MROH7: variants seen among roughly 807,000 people sequenced by gnomAD.
MROH7 encodes maestro heat like repeat family member 7, also known as maestro heat-like repeat-containing protein family member 7.
In MROH7, 113 loss-of-function variants were observed where a neutral mutation model predicts 129.2. The observed-to-expected ratio is 0.87, with a 90% confidence interval of 0.75 to 1.02. The LOEUF is 1.02. Among genes scored for constraint, MROH7 ranks in the 50% least tolerant of loss-of-function variants. The pLI, the probability that MROH7 is intolerant of heterozygous loss-of-function variation, is 0.00. For missense variants in MROH7, 1,601 were observed against 1,671.3 expected (o/e 0.96, Z 0.73); for synonymous variants, 655 against 667.9 (o/e 0.98, Z 0.30).
At chr1:54,655,015 A>ATTTTTTTTTTT (rs71045202) in intron 3 of MROH7, among the ~76,000 whole-genome samples, 1 of 136,426 alleles carries the variant, frequency 7.3e-6, no homozygotes, top group Non-Finnish European at 1.6e-5. Context: ...TGAGAATCCT[A>ATTTTTTTTTTT]TTTTTTTTTT....
At chr1:54,699,127 T>TTTCTTTCTTTCTTTC (rs1645376870) in intron 17 of MROH7, 3 of 93,774 alleles carry the variant, frequency 3.2e-5, no homozygotes, top group East Asian at 5.7e-4. Context: ...TCTTTCTTTC[T>TTTCTTTCTTTCTTTC]TTCTTTCTTT....
chr1:54,680,999 G>T (rs909294302), intron 13 of MROH7, among the ~76,000 whole-genome samples: 9 of 152,172 alleles, frequency 5.9e-5, no homozygotes, highest in African/African-American at 2.2e-4. Context: ...GACTACTGGG[G>T]GCCTCATCTG....
At position 54,656,569 on chromosome 1, in the gene MROH7, T is replaced by C. The variant is rs142314737; in HGVS notation, c.1231+2412T>C. Among the ~76,000 whole-genome samples, 204 of 148,916 alleles carry C rather than the reference T, an allele frequency of 1.4e-3. 2 individuals carry two copies. In the East Asian group the frequency reaches 0.03, roughly 22 times the overall value. ...TGGGCGCGGTGGCTCATGCCTGTAG[T>C]CCCAGCACTTTGGGAAGCCGAGGTG... On this transcript the variant is annotated intron_variant, in intron 3 of 23. Coordinates refer to ENST00000421030, the MANE Select transcript of MROH7 (RefSeq NM_001039464.4).
In MROH7 at chr1:54,700,380, A is replaced by G. The variant is rs1051144898; in HGVS notation, c.3024A>G (p.Ala1008=). 6 of 1,614,124 alleles carry G rather than the reference A, an allele frequency of 3.7e-6. 1 individual carries two copies. The Admixed American group carries it at 6.7e-5, about 18-fold the overall frequency. The change falls in exon 18 of 24, where the codon GCA becomes GCG. Residue 1008 remains alanine (A), a synonymous_variant. Coordinates refer to ENST00000421030, the MANE Select transcript of MROH7 (RefSeq NM_001039464.4). The part of the protein sequence containing the change: ...IPEEYSLGRM[A]EGLSHHDPIM... ...AGGAATACTCTCTGGGGCGGATGGC[A>G]GAAGGCCTGAGCCACCACGACCCCA...
chr1:54,667,030 CT>C (rs1352616975), intron 4 of MROH7, among the ~76,000 whole-genome samples: 3 of 152,148 alleles, frequency 2.0e-5, no homozygotes, highest in Non-Finnish European at 2.9e-5. Context: ...TTTCTGAGCC[CT>C]AACACTGTCA....
intron 14 of MROH7, 93 bp from the exon 15 acceptor site, chr1:54,686,165 G>A (rs371614686): frequency 6.6e-6 from 8 of 1,207,850 alleles, no homozygotes; most frequent in African/African-American, 6.0e-5. Flanking sequence ...CAAAGACCCA[G>A]ATCCTACCTC....
At chr1:54,680,095 G>T (rs1645045662) in intron 13 of MROH7, 50 bp downstream of exon 13, 2 of 1,581,164 alleles carry the variant, frequency 1.3e-6, no homozygotes, top group Admixed American at 1.7e-5. Context: ...GGTTCAAGCA[G>T]CCCCCACCCC....
At chr1:54,670,956 C>G (rs759274779) in intron 7 of MROH7, 27 bp downstream of exon 7, 2 of 1,571,598 alleles carry the variant, frequency 1.3e-6, no homozygotes, top group African/African-American at 2.7e-5. Flanking sequence ...CCAGCAGGGC[C>G]TCAGGGCTGG....
At chr1:54,650,176 A>G (rs913020908) in intron 1 of MROH7, among the ~76,000 whole-genome samples, 31 of 152,224 alleles carry the variant, frequency 2.0e-4, no homozygotes, top group Admixed American at 4.6e-4. Context: ...TGTAACTACA[A>G]TCACCCCTGT....
intron 3 of MROH7, among the ~76,000 whole-genome samples, chr1:54,661,541 CAGTACTG>C: frequency 6.6e-6 from 1 of 152,064 alleles, no homozygotes; most frequent in East Asian, 1.9e-4. Context: ...GTGCTTAGAA[CAGTACTG>C]GTCATATAGT....
At chr1:54,650,229 A>C (rs1488616314) in intron 1 of MROH7, among the ~76,000 whole-genome samples, 1 of 152,222 alleles carries the variant, frequency 6.6e-6, no homozygotes. Context: ...GGGGAGGACA[A>C]GGGCCAGAGG....
rs1269516853 is a variant in MROH7 at position 54,702,246 on chromosome 1, G to T, written c.3441+1G>T. ...GGAGGGCAACTCCAAGGTAAGCCAG[G>T]TGAGTGTGCGTGGGCCCTGCACCCT... On this transcript the variant is annotated splice_donor_variant, in intron 20 of 23. Transcript: ENST00000421030. LOFTEE classifies it high-confidence loss of function. 1 of 1,520,136 alleles carries T rather than the reference G, an allele frequency of 6.6e-7. No homozygotes were observed. The highest frequency in any genetic ancestry group is 8.9e-7 in the Non-Finnish European group (1 of 1,129,540). 94.2% of individuals were successfully genotyped at this position (1,520,136 alleles called of 1,614,324 possible).
chr1:54,668,708 C>A, intron 4 of MROH7, 146 bp from the exon 5 acceptor site: 1 of 623,920 alleles, frequency 1.6e-6, no homozygotes. Context: ...ACCCCAAGCT[C>A]CCCTTGTGGG....
At chr1:54,686,061 C>T (rs1324577352) in intron 14 of MROH7, among the ~76,000 whole-genome samples, 197 bp from the exon 15 acceptor site, 1 of 152,118 alleles carries the variant, frequency 6.6e-6, no homozygotes, top group African/African-American at 2.4e-5. Context: ...GGATTGTTGT[C>T]CTTGCTCTGG....
chr1:54,668,819 C>A, intron 4 of MROH7, 35 bp from the exon 5 acceptor site: 1 of 1,563,670 alleles, frequency 6.4e-7, no homozygotes, highest in Non-Finnish European at 8.8e-7. Flanking sequence ...CAGTGGGTCT[C>A]TCACTCTGAG....
chr1:54,679,281 G>C lies in MROH7; in HGVS notation c.2068G>C (p.Gly690Arg), dbSNP rs572167241. The change falls in exon 12 of 24, where the codon GGG becomes CGG. Residue 690 changes from glycine (G) to arginine (R), a missense_variant. Transcript: ENST00000421030. The stretch of plus-strand genomic sequence containing the variant: ...GTTTCAGGAATTTGGAGACTTCCTG[G>C]GGCCCCAGCAGATAAAGGACCTGCT... ...RVIEEFGDFL[G>R]PQQIKDLLLA... The C allele has an allele frequency of 5.6e-6, 9 of 1,614,140 alleles. No individual in the cohort carries two copies. Among genetic ancestry groups the C allele is most frequent in the Non-Finnish European group, 7.6e-6 (9 of 1,180,026 alleles).
chr1:54,665,205 C>T lies in MROH7; in HGVS notation c.1270C>T (p.Pro424Ser). Residue 424 changes from proline to serine, a missense_variant, in exon 4 of 24, where the codon CCA becomes TCA. Physicochemically the swap from Pro to Ser is moderately conservative, Grantham distance 74. Transcript: ENST00000421030. Reference protein sequence around the residue: ...DEVTSCLVKVPEKTEGGNNMA... With the variant: ...DEVTSCLVKVSEKTEGGNNMA... ...AGTGACCTCATGCCTGGTGAAGGTGCCAGAGAAGACAGAAGGTGGCAACAA... is the reference window on the plus strand; with the variant it reads ...AGTGACCTCATGCCTGGTGAAGGTGTCAGAGAAGACAGAAGGTGGCAACAA... 6.2e-7 allele frequency: 1 copy of T among 1,613,754 alleles called. No individual in the cohort carries two copies.
chr1:54,671,239 G>GA (rs200209306), intron 7 of MROH7, among the ~76,000 whole-genome samples: 38,392 of 141,720 alleles, frequency 0.27, 5,123 homozygotes, highest in East Asian at 0.46. Flanking sequence ...TACAAAAAAA[G>GA]AAAAAAAAAA....
intron 17 of MROH7, chr1:54,697,915 T>G: frequency 2.5e-5 from 11 of 447,098 alleles, no homozygotes; most frequent in East Asian, 3.3e-5. Context: ...GACTCTAGGT[T>G]TAACTTCTCC....
Sources: allele counts gnomAD v4.1 joint callset (sites outside exome capture counted in the v4.1 genomes callset), GRCh38; gene constraint gnomAD v4.1.1; transcripts MANE v1.5; gene names NCBI Gene and HGNC (gene_info 2026-07-23, HGNC 2026-07-21).